Variants in MYDGF observed in about 807,000 individuals in gnomAD.
The protein encoded by MYDGF is myeloid-derived growth factor.
In MYDGF, 29 loss-of-function variants were observed where a neutral mutation model predicts 24.2. That is an observed-to-expected ratio of 1.20 (90% CI 0.89 to 1.63). MYDGF has a LOEUF of 1.63. Among genes scored for constraint, MYDGF ranks in the 40% most tolerant of loss-of-function variants. The probability of loss-of-function intolerance (pLI) is 0.00; values close to 1 mark genes in which losing one functional copy is unlikely to be tolerated. For missense variants in MYDGF, 245 were observed against 234.8 expected (o/e 1.04, Z -0.29); for synonymous variants, 105 against 102.5 (o/e 1.02, Z -0.15).
chr19:4,663,371 C>G (rs2088488277), intron 3 of MYDGF, among the ~76,000 whole-genome samples: 1 of 144,928 alleles, frequency 6.9e-6, no homozygotes, highest in Non-Finnish European at 1.5e-5. Context: ...CCAATCTACT[C>G]TCCCCACCTA....
chr19:4,660,502 G>A, intron 4 of MYDGF, 167 bp downstream of exon 4: 1 of 610,664 alleles, frequency 1.6e-6, no homozygotes, highest in Non-Finnish European at 2.8e-6. Flanking sequence ...CCCTGGCCTG[G>A]GGGCGTCTGT....
chr19:4,667,121 CTTT>C (rs57093750), intron 2 of MYDGF, among the ~76,000 whole-genome samples: 6,426 of 101,214 alleles, frequency 0.063, 41 homozygotes, highest in Middle Eastern at 0.12. Context: ...TCAAATCACC[CTTT>C]TTTTTTTTTT....
At chr19:4,662,005 G>A (rs1172587132) in intron 3 of MYDGF, among the ~76,000 whole-genome samples, 1 of 152,174 alleles carries the variant, frequency 6.6e-6, no homozygotes, top group Non-Finnish European at 1.5e-5. Flanking sequence ...AGACTACAGG[G>A]CGGCCTCTGC....
chr19:4,668,704 G>A, intron 1 of MYDGF, 59 bp from the exon 2 acceptor site: 1 of 1,477,644 alleles, frequency 6.8e-7, no homozygotes, highest in Non-Finnish European at 9.4e-7. Context: ...TTGTTTAAGA[G>A]ACGGGGTCTT....
intron 1 of MYDGF, 76 bp downstream of exon 1, chr19:4,670,085 G>GC: frequency 7.3e-7 from 1 of 1,370,542 alleles, no homozygotes; most frequent in Non-Finnish European, 9.5e-7. Context: ...CCCTCCTCGG[G>GC]CCCCGCCCCC....
At chr19:4,663,927 C>T (rs2088500927) in intron 3 of MYDGF, among the ~76,000 whole-genome samples, 1 of 151,482 alleles carries the variant, frequency 6.6e-6, no homozygotes, top group African/African-American at 2.4e-5. Context: ...AGCCTGCCTC[C>T]TTCAGCCGGG....
At chr19:4,659,813 GA>G in intron 5 of MYDGF, 117 bp downstream of exon 5, 1 of 850,106 alleles carries the variant, frequency 1.2e-6, no homozygotes, top group South Asian at 1.4e-5. Flanking sequence ...TCAGTTTGTG[GA>G]TGCCTGGTCT....
chr19:4,659,780 T>C (rs772069509), intron 5 of MYDGF, 151 bp downstream of exon 5: 5 of 697,220 alleles, frequency 7.2e-6, no homozygotes, highest in East Asian at 2.5e-5. Context: ...GCTGAAGATA[T>C]TGACGAGGTG....
rs1212023323 is a variant in MYDGF, at chr19:4,657,721, C to T, written c.*284G>A. 2.0e-5 allele frequency: 6 copies of T among 303,402 alleles called. No individual in the cohort carries two copies. Among genetic ancestry groups the T allele is most frequent in the South Asian group, 1.7e-4 (2 of 11,430 alleles). 18.8% of individuals were successfully genotyped at this position (303,402 alleles called of 1,614,324 possible). On this transcript the variant is annotated 3_prime_UTR_variant, in exon 6 of 6. Coordinates refer to ENST00000262947, the MANE Select transcript of MYDGF (RefSeq NM_019107.4). The stretch of plus-strand genomic sequence containing the variant: ...CTTTCCCCAGCATAGCCCCCATGTT[C>T]CCCACCCTCTTTGTGCCCCGGATCT...
At chr19:4,660,951 C>A (rs1249112177) in intron 3 of MYDGF, among the ~76,000 whole-genome samples, 2 of 147,138 alleles carry the variant, frequency 1.4e-5, no homozygotes, top group Non-Finnish European at 3.0e-5. Flanking sequence ...GACCCTCTTT[C>A]TTTTGTGCCA....
In MYDGF at chr19:4,670,274, G is replaced by C. The variant is rs1426919029; in HGVS notation, c.61C>G (p.Leu21Val). 43 of 1,541,174 alleles carry C rather than the reference G, an allele frequency of 2.8e-5. No homozygotes were observed. Among genetic ancestry groups the C allele is most frequent in the Non-Finnish European group, 3.7e-5 (42 of 1,145,620 alleles). Residue 21 changes from leucine to valine, a missense_variant, in exon 1 of 6, where the codon CTA becomes GTA. Leu to Val is a conservative substitution (Grantham distance 32). Coordinates refer to ENST00000262947, the MANE Select transcript of MYDGF (RefSeq NM_019107.4). ...GCCGGCCTCAGCGCCACGGCCCCTA[G>C]GAGCAGCGCGGCCCACAAGCTCGCG... ...VGASLWAALLLGAVALRPAEA... is the reference protein window; with the variant it reads ...VGASLWAALLVGAVALRPAEA...
intron 5 of MYDGF, among the ~76,000 whole-genome samples, chr19:4,658,699 A>T (rs2088444340): frequency 6.6e-6 from 1 of 152,196 alleles, no homozygotes. Flanking sequence ...AAGGACCCTG[A>T]TGTTTCCCAG....
intron 3 of MYDGF, among the ~76,000 whole-genome samples, chr19:4,662,024 T>C (rs1302325834): frequency 6.6e-6 from 1 of 152,164 alleles, no homozygotes; most frequent in Non-Finnish European, 1.5e-5. Flanking sequence ...GCAGGGTCTC[T>C]CTGGGCTGAT....
intron 4 of MYDGF, 131 bp downstream of exon 4, chr19:4,660,538 C>A (rs924840401): frequency 1.2e-6 from 1 of 852,514 alleles, no homozygotes; most frequent in Non-Finnish European, 1.9e-6. Flanking sequence ...AAGTTACACA[C>A]CCTACCTCTG....
At chr19:4,665,664 A>G (rs967359607) in intron 2 of MYDGF, among the ~76,000 whole-genome samples, 14 of 152,014 alleles carry the variant, frequency 9.2e-5, no homozygotes, top group Non-Finnish European at 1.6e-4. Flanking sequence ...TACTAAAAAT[A>G]CAAAAAATTA....
chr19:4,659,972 A>T lies in MYDGF; in HGVS notation c.401T>A (p.Val134Asp). ...SKAAFERESD[V>D]PLKTEEFEVT... ...TTCAAATTCCTCAGTTTTCAGAGGG[A>T]CATCACTTTCCCTTTCAAATGCGGC... Residue 134 changes from valine to aspartate, a missense_variant, in exon 5 of 6, where the codon GTC becomes GAC. Val to Asp is a radical substitution (Grantham distance 152). Transcript: ENST00000262947. 1 of 1,614,036 alleles carries T rather than the reference A, an allele frequency of 6.2e-7. No individual in the cohort carries two copies. The highest frequency in any genetic ancestry group is 8.5e-7 in the Non-Finnish European group (1 of 1,180,010).
intron 2 of MYDGF, among the ~76,000 whole-genome samples, chr19:4,667,535 G>A (rs2088531200): frequency 6.6e-6 from 1 of 151,972 alleles, no homozygotes; most frequent in African/African-American, 2.4e-5. Context: ...GCCTCCCAAA[G>A]TGCTGGGATT....
In MYDGF at chr19:4,668,613, A is replaced by G. The variant is rs1228985177; in HGVS notation, c.207T>C (p.Ser69=). ...DKYTCMFTYA[S]QGGTNEQWQM... The stretch of plus-strand genomic sequence containing the variant: ...AACTCACCTCATTGGTCCCTCCTTG[A>G]GAGGCGTAAGTGAACATACACGTAT... Residue 69 remains serine (S), a synonymous_variant, in exon 2 of 6, where the codon TCT becomes TCC. Transcript: ENST00000262947. 2 of 1,613,206 alleles carry G rather than the reference A, an allele frequency of 1.2e-6. No homozygotes were observed. Among genetic ancestry groups the G allele is most frequent in the South Asian group, 1.1e-5 (1 of 91,066 alleles).
intron 3 of MYDGF, among the ~76,000 whole-genome samples, chr19:4,663,461 C>T (rs1161504205): frequency 4.0e-5 from 5 of 123,508 alleles, no homozygotes; most frequent in Non-Finnish European, 6.7e-5. Context: ...CTCCAATCTA[C>T]CCTCCCCACC....
Sources: gnomAD v4.1 joint callset for allele counts (sites outside exome capture counted in the v4.1 genomes callset) on GRCh38, gnomAD v4.1.1 for gene constraint, MANE v1.5 for transcripts, NCBI Gene and HGNC (gene_info 2026-07-23, HGNC 2026-07-21) for gene names.